The following PPAN variants were observed in gnomAD, a reference collection of about 807,000 sequenced individuals.
PPAN encodes peter pan homolog, also known as suppressor of SWI4 1 homolog.
PPAN carries 39 observed loss-of-function variants against 48.5 expected under a neutral mutation model. The observed-to-expected ratio is 0.80, with a 90% confidence interval of 0.62 to 1.05. The LOEUF is 1.05. PPAN is among the 50% of genes least tolerant of loss of function. The pLI, the probability that PPAN is intolerant of heterozygous loss-of-function variation, is 0.00. For synonymous variants in PPAN, 315 were observed against 268.6 expected (o/e 1.17, Z -1.69); for missense variants, 736 against 661.7 (o/e 1.11, Z -1.23).
At chr19:10,106,809 T>G (rs2088847168) in intron 2 of PPAN, 138 bp downstream of exon 2, 1 of 1,345,610 alleles carries the variant, frequency 7.4e-7, no homozygotes, top group Non-Finnish European at 9.8e-7. Flanking sequence ...GGGAGCATCA[T>G]TTCTGCCTTT....
chr19:10,111,857 A>G lies in PPAN; in HGVS notation c.*692A>G. ...CTGGGCACGGTGGCTCACGCCTGTA[A>G]TCCCAGCACTTTGGGAGGTCGAGGG... is the stretch of plus-strand genomic sequence containing the variant. On this transcript the variant is annotated 3_prime_UTR_variant, in exon 12 of 12. Transcript: ENST00000253107. 2.4e-6 allele frequency: 3 copies of G among 1,231,928 alleles called. No homozygotes were observed. The highest frequency in any genetic ancestry group is 2.5e-5 in the East Asian group (1 of 40,016). The allele number at this position is 1,231,928 out of a possible 1,614,324, so 76.3% of individuals were successfully genotyped here. A position where few individuals can be genotyped will look rare whatever the true frequency, so the allele number is the denominator to read the frequency against.
Position 10,106,488 on chromosome 19 carries a change from C to T in PPAN, c.19-13C>T, listed in dbSNP as rs758704411. On this transcript the variant is annotated splice_polypyrimidine_tract_variant and intron_variant, in intron 1 of 11. Coordinates refer to ENST00000253107, the MANE Select transcript of PPAN (RefSeq NM_020230.7). ...AGGTCGCGGCGCTGACCCTTTGTCTCTCGTCGCCGCAGTCCCGGCACCAGA... is the reference window on the plus strand; with the variant it reads ...AGGTCGCGGCGCTGACCCTTTGTCTTTCGTCGCCGCAGTCCCGGCACCAGA... 1 of 1,549,662 alleles carries T rather than the reference C, an allele frequency of 6.5e-7. No homozygotes were observed. The highest frequency in any genetic ancestry group is 8.7e-7 in the Non-Finnish European group (1 of 1,146,124).
chr19:10,111,302 C>T lies in PPAN; in HGVS notation c.*137C>T. The T allele has an allele frequency of 2.8e-6, 3 of 1,082,076 alleles. No homozygotes were observed. The highest frequency in any genetic ancestry group is 3.9e-6 in the Non-Finnish European group (3 of 778,248). 67.0% of individuals were successfully genotyped at this position (1,082,076 alleles called of 1,614,324 possible). On this transcript the variant is annotated 3_prime_UTR_variant, in exon 12 of 12. Coordinates refer to ENST00000253107, the MANE Select transcript of PPAN (RefSeq NM_020230.7). ...GTAAAGAACTGAATTGGCCAGGGGT[C>T]CACGTCAGCGTTTGGGATGGGGGAT...
intron 2 of PPAN, 149 bp downstream of exon 2, chr19:10,106,820 C>G (rs2088847629): frequency 1.5e-6 from 2 of 1,303,410 alleles, no homozygotes; most frequent in East Asian, 2.6e-5. Flanking sequence ...TTCTGCCTTT[C>G]AGGGCTTTTG....
At chr19:10,109,826 C>A in intron 6 of PPAN, 87 bp from the exon 7 acceptor site, 1 of 1,593,266 alleles carries the variant, frequency 6.3e-7, no homozygotes. Flanking sequence ...AACGCCCTGA[C>A]GCACTGTGGG....
chr19:10,108,140 T>A lies in PPAN; in HGVS notation c.513+6T>A. 5 of 1,605,620 alleles carry A rather than the reference T, an allele frequency of 3.1e-6. No homozygotes were observed. The highest frequency in any genetic ancestry group is 4.3e-6 in the Non-Finnish European group (5 of 1,175,502). ...CCTCCATCAACGTGCACAAGGTGGG[T>A]CTGGCCTGGCGAGGTGGCAGGTATG... On this transcript the variant is annotated splice_donor_region_variant and intron_variant, in intron 5 of 11. Coordinates refer to ENST00000253107, the MANE Select transcript of PPAN (RefSeq NM_020230.7).
Position 10,109,950 on chromosome 19 carries a change from A to T in PPAN, c.628A>T (p.Met210Leu). The T allele has an allele frequency of 6.2e-7, 1 of 1,614,020 alleles. No homozygotes were observed. Among genetic ancestry groups the T allele is most frequent in the Non-Finnish European group, 8.5e-7 (1 of 1,179,952 alleles). ...TGTTCCTGTGGGCGCGAGTCGCGGG[A>T]TGAAGAAGCTGCTCCAGGAGAAGTT... ...KVVPVGASRG[M>L]KKLLQEKFPN... The change falls in exon 7 of 12, where the codon ATG becomes TTG. Residue 210 changes from methionine to leucine, a missense_variant. Met to Leu is a conservative substitution (Grantham distance 15). Coordinates refer to ENST00000253107, the MANE Select transcript of PPAN (RefSeq NM_020230.7).
rs780263009 is a variant in PPAN at position 10,106,379 on chromosome 19, T to A, written c.-16T>A. The A allele has an allele frequency of 1.4e-5, 21 of 1,549,296 alleles. No individual in the cohort carries two copies. In the South Asian group the frequency reaches 2.5e-4, roughly 18 times the overall value. ...GAAGCGGCGGACGCAGGAGGCCTCG[T>A]GGAGGACACAGCAGCATGGGACAGT... On this transcript the variant is annotated 5_prime_UTR_variant, in exon 1 of 12. Coordinates refer to ENST00000253107, the MANE Select transcript of PPAN (RefSeq NM_020230.7).
At position 10,107,967 on chromosome 19, in the gene PPAN, T is replaced by C; in HGVS notation, c.346T>C (p.Ser116Pro). ...PTLTFQVKKY[S>P]LVRDVVSSLR... ...CCTCCTCTCTCCTGTCCTACAGTAC[T>C]CGCTGGTGCGTGATGTGGTCTCCTC... Residue 116 changes from serine (S) to proline (P), a missense_variant, in exon 5 of 12, where the codon TCG becomes CCG. Ser to Pro is a moderately conservative substitution (Grantham distance 74). Coordinates refer to ENST00000253107, the MANE Select transcript of PPAN (RefSeq NM_020230.7). The C allele has an allele frequency of 6.2e-7, 1 of 1,607,688 alleles. No homozygotes were observed. Among genetic ancestry groups the C allele is most frequent in the Non-Finnish European group, 8.5e-7 (1 of 1,176,172 alleles).
In PPAN at chr19:10,109,653, G is replaced by A. The variant is rs750034949; in HGVS notation, c.536G>A (p.Arg179His). The change falls in exon 6 of 12, where the codon CGC becomes CAC. Residue 179 changes from arginine to histidine, a missense_variant. Arg to His is a conservative substitution (Grantham distance 29). Transcript: ENST00000253107. Reference protein sequence around the residue: ...VHKVNLNTIKRCLLIDYNPDS... With the variant: ...VHKVNLNTIKHCLLIDYNPDS... ...CAGGTGAACCTGAACACCATCAAGC[G>A]CTGCCTCCTCATCGACTACAACCCC... 15 of 1,613,700 alleles carry A rather than the reference G, an allele frequency of 9.3e-6. No individual in the cohort carries two copies. The highest frequency in any genetic ancestry group is 1.3e-5 in the African/African-American group (1 of 74,896).
intron 2 of PPAN, 150 bp downstream of exon 2, chr19:10,106,821 A>G: frequency 1.5e-6 from 2 of 1,300,360 alleles, no homozygotes; most frequent in Middle Eastern, 2.8e-4. Context: ...TCTGCCTTTC[A>G]GGGCTTTTGC....
At position 10,111,739 on chromosome 19, in the gene PPAN, G is replaced by T. The variant is rs756723588; in HGVS notation, c.*574G>T. 1.5e-5 allele frequency: 24 copies of T among 1,613,536 alleles called. No homozygotes were observed. In the East Asian group the frequency reaches 5.1e-4, roughly 34 times the overall value. On this transcript the variant is annotated 3_prime_UTR_variant, in exon 12 of 12. Coordinates refer to ENST00000253107, the MANE Select transcript of PPAN (RefSeq NM_020230.7). ...ACGGGAGCATGGCAGCCAACGTCTC[G>T]GGTAAGGAGAAGGCATGTTGGCTGT...
chr19:10,106,241 C>T, upstream of PPAN: 1 of 1,356,906 alleles, frequency 7.4e-7, no homozygotes, highest in Non-Finnish European at 9.9e-7. Flanking sequence ...ATAGCAACCG[C>T]TCCATCTGAT....
intron 5 of PPAN, 31 bp downstream of exon 5, chr19:10,108,165 G>A (rs751683327): frequency 1.9e-6 from 3 of 1,583,910 alleles, no homozygotes; most frequent in Admixed American, 1.8e-5. Flanking sequence ...TGGCAGGTAT[G>A]GGGGGGTGCA....
Position 10,111,840 on chromosome 19 carries a change from G to A in PPAN, c.*675G>A, listed in dbSNP as rs535353176. ...AACACCTAGGTCTGGGGCTGGGCAC[G>A]GTGGCTCACGCCTGTAATCCCAGCA... is the stretch of plus-strand genomic sequence containing the variant. On this transcript the variant is annotated 3_prime_UTR_variant, in exon 12 of 12. Coordinates refer to ENST00000253107, the MANE Select transcript of PPAN (RefSeq NM_020230.7). 588 of 1,395,010 alleles carry A rather than the reference G, an allele frequency of 4.2e-4. No homozygotes were observed. Among genetic ancestry groups the A allele is most frequent in the Non-Finnish European group, 5.4e-4 (542 of 999,524 alleles). The allele number at this position is 1,395,010 out of a possible 1,614,324, so 86.4% of individuals were successfully genotyped here.
chr19:10,107,921 A>C (rs1201660628), intron 4 of PPAN, 43 bp from the exon 5 acceptor site: 13 of 1,600,852 alleles, frequency 8.1e-6, no homozygotes, highest in Middle Eastern at 1.7e-4. Flanking sequence ...GTCCGCAGCC[A>C]TGTGTGGTTG....
In PPAN at chr19:10,106,688, C is replaced by T. The variant is rs1295092961; in HGVS notation, c.189+17C>T. ...CGTCTGCAGGTTTGTACCCCACCCCCAGCCCGCCTCCACCCACCCTCGGCC... is the reference window on the plus strand; with the variant it reads ...CGTCTGCAGGTTTGTACCCCACCCCTAGCCCGCCTCCACCCACCCTCGGCC... On this transcript the variant is annotated intron_variant, in intron 2 of 11. Coordinates refer to ENST00000253107, the MANE Select transcript of PPAN (RefSeq NM_020230.7). The T allele has an allele frequency of 1.3e-6, 2 of 1,513,460 alleles. No homozygotes were observed. The highest frequency in any genetic ancestry group is 2.5e-5 in the East Asian group (1 of 40,260). 93.8% of individuals were successfully genotyped at this position (1,513,460 alleles called of 1,614,324 possible).
rs1331665279 is a variant in PPAN, at chr19:10,106,420, C to T, written c.18+8C>T. On this transcript the variant is annotated splice_region_variant and intron_variant, in intron 1 of 11. Transcript: ENST00000253107. ...ATGGGACAGTCAGGGAGGGTAAGGC[C>T]CGGCAGCTTGGGAGGCAGGTGGCGC... 6.5e-7 allele frequency: 1 copy of T among 1,548,702 alleles called. No homozygotes were observed. Among genetic ancestry groups the T allele is most frequent in the Non-Finnish European group, 8.7e-7 (1 of 1,145,122 alleles).
intron 6 of PPAN, 63 bp from the exon 7 acceptor site, chr19:10,109,850 G>A: frequency 6.2e-7 from 1 of 1,603,262 alleles, no homozygotes; most frequent in Non-Finnish European, 8.5e-7. Context: ...GGTGAGATGG[G>A]CACCGCCAGC....
Sources: gnomAD v4.1 joint callset for allele counts on GRCh38, gnomAD v4.1.1 for gene constraint, MANE v1.5 for transcripts, NCBI Gene and HGNC (gene_info 2026-07-23, HGNC 2026-07-21) for gene names.